LARGE1: variants seen among roughly 807,000 people sequenced by gnomAD.
The protein encoded by LARGE1 is xylosyl- and glucuronyltransferase LARGE1.
LARGE1 carries 43 observed loss-of-function variants against 87.6 expected under a neutral mutation model. The observed-to-expected ratio is 0.49, with a 90% confidence interval of 0.38 to 0.63. The LOEUF (loss-of-function observed/expected upper bound fraction) is 0.63, where lower values mean the gene tolerates loss of function less well. Ranked by LOEUF, LARGE1 falls within the 30% of genes least tolerant of loss-of-function variation. The pLI is 0.00. For missense variants in LARGE1, 802 were observed against 1,000.2 expected, an observed-to-expected ratio of 0.80 and a Z score of 2.67; for synonymous variants, 434 against 394.6, an observed-to-expected ratio of 1.10 and a Z score of -1.18.
At chr22:33,167,200 C>T (rs1922320789) in intron 11 of LARGE1, among the ~76,000 whole-genome samples, 1 of 152,144 alleles carries the variant, frequency 6.6e-6, no homozygotes, top group African/African-American at 2.4e-5. Flanking sequence ...CCACTTGAAA[C>T]TGAGGGGACC....
chr22:33,398,302 G>A lies in LARGE1; in HGVS notation c.893-13998C>T, dbSNP rs112106280. Among the ~76,000 whole-genome samples, 436 of 151,836 alleles carry A rather than the reference G, an allele frequency of 2.9e-3. 6 individuals are homozygous for A. The South Asian group carries it at 0.031, about 11-fold the overall frequency. The stretch of plus-strand genomic sequence containing the variant: ...CTTCAGGAAACTGAGGCTCAGAAAG[G>A]CTATGTGGCTGGTCAAAGCAAAACA... On this transcript the variant is annotated intron_variant, in intron 7 of 14. Transcript: ENST00000397394.
chr22:33,262,483 T>A (rs1927687606), intron 11 of LARGE1, among the ~76,000 whole-genome samples: 1 of 152,152 alleles, frequency 6.6e-6, no homozygotes, highest in Admixed American at 6.5e-5. Flanking sequence ...CCCAGACCAT[T>A]GCTCTTCCTG....
chr22:33,822,692 C>T (rs2062674668), intron 1 of LARGE1, among the ~76,000 whole-genome samples: 1 of 151,994 alleles, frequency 6.6e-6, no homozygotes, highest in African/African-American at 2.4e-5. Context: ...AATAAGGCTC[C>T]ATCTCAAAAA....
the LARGE1 span, among the ~76,000 whole-genome samples, chr22:33,083,081 T>A: frequency 6.6e-6 from 1 of 152,284 alleles, no homozygotes; most frequent in Non-Finnish European, 1.5e-5. Flanking sequence ...ACACTCTAAA[T>A]ATATCATTTC....
rs547259224 is a variant in LARGE1 at position 33,916,138 on chromosome 22, G to A, written c.-83+3857C>T. ...TCTACTAAAAATACAAAAATTAGCC[G>A]GGCGTGGGGGCGGGCGCCTGTAATC... On this transcript the variant is annotated intron_variant, in intron 1 of 14. Transcript: ENST00000397394. Among the ~76,000 whole-genome samples, 371 of 152,128 alleles carry A rather than the reference G, an allele frequency of 2.4e-3. 1 individual carries two copies. Among genetic ancestry groups the A allele is most frequent in the African/African-American group, 8.4e-3 (349 of 41,500 alleles).
At chr22:33,462,226 G>A (rs1243834741) in intron 6 of LARGE1, among the ~76,000 whole-genome samples, 1 of 152,110 alleles carries the variant, frequency 6.6e-6, no homozygotes, top group Non-Finnish European at 1.5e-5. Context: ...AAGCCTTAAG[G>A]GAGTGGAATA....
rs528160188 is a variant in LARGE1, at chr22:33,832,439, G to A, written c.-82-70881C>T. ...ACTGGAGGGCCCATGGGACAAACTC[G>A]AGCCTTAACACACTGTCAGTGTTAA... On this transcript the variant is annotated intron_variant, in intron 1 of 14. Coordinates refer to ENST00000397394, the MANE Select transcript of LARGE1 (RefSeq NM_133642.5). 4.6e-5 allele frequency among the ~76,000 whole-genome samples: 7 copies of A among 152,226 alleles called. No homozygotes were observed. In the East Asian group the frequency reaches 1.2e-3, roughly 25 times the overall value.
At chr22:33,104,720 T>G in the LARGE1 span, among the ~76,000 whole-genome samples, 9 of 152,336 alleles carry the variant, frequency 5.9e-5, no homozygotes. Flanking sequence ...CTGCAGGCAT[T>G]TGCAGAGACC....
chr22:33,725,996 A>C (rs1871461544), intron 2 of LARGE1: 1 of 152,098 alleles, frequency 6.6e-6, no homozygotes, highest in South Asian at 2.1e-4. Flanking sequence ...GCAAAATGTC[A>C]TACAGTTCAC....
intron 3 of LARGE1, among the ~76,000 whole-genome samples, chr22:33,637,700 A>C (rs1488390091): frequency 1.3e-5 from 2 of 152,224 alleles, no homozygotes; most frequent in Non-Finnish European, 2.9e-5. Context: ...TCATGTCAGT[A>C]AACTATATGG....
At chr22:33,149,245 T>C in the LARGE1 span, among the ~76,000 whole-genome samples, 2 of 151,958 alleles carry the variant, frequency 1.3e-5, no homozygotes, top group Non-Finnish European at 2.9e-5. Flanking sequence ...GGTTTCACTG[T>C]GTTAGCCAGG....
At position 33,282,880 on chromosome 22, in the gene LARGE1, C is replaced by G. The variant is rs563355904; in HGVS notation, c.1877+322G>C. Reference sequence around the variant, plus strand: ...AGAACTCGGAGCCAGGAGATGGCAGCAGGAACCTAAACTGAGTTTAGAAAA... The same window carrying G: ...AGAACTCGGAGCCAGGAGATGGCAGGAGGAACCTAAACTGAGTTTAGAAAA... On this transcript the variant is annotated intron_variant, in intron 13 of 14. Transcript: ENST00000397394. Among the ~76,000 whole-genome samples, 3 of 152,326 alleles carry G rather than the reference C, an allele frequency of 2.0e-5. No individual in the cohort carries two copies. In the East Asian group the frequency reaches 5.8e-4, roughly 29 times the overall value.
chr22:33,370,093 C>T (rs906626793), intron 9 of LARGE1, among the ~76,000 whole-genome samples: 2 of 152,102 alleles, frequency 1.3e-5, no homozygotes, highest in African/African-American at 4.8e-5. Flanking sequence ...ACTAAGGGGA[C>T]TGATAGCCTA....
chr22:33,902,821 A>G (rs2065321609), intron 1 of LARGE1, among the ~76,000 whole-genome samples: 1 of 152,194 alleles, frequency 6.6e-6, no homozygotes, highest in South Asian at 2.1e-4. Flanking sequence ...GACCGTATTT[A>G]GTGACGGGGT....
At chr22:33,613,722 T>G (rs2079505951) in intron 4 of LARGE1, among the ~76,000 whole-genome samples, 1 of 152,170 alleles carries the variant, frequency 6.6e-6, no homozygotes, top group Admixed American at 6.5e-5. Flanking sequence ...TCTTTAGAAT[T>G]TAAGCTCCTT....
rs554630548 is a variant in LARGE1 at position 33,263,614 on chromosome 22, T to C, written c.1730+40615A>G. On this transcript the variant is annotated intron_variant, in intron 11 of 11. Transcript: ENST00000608642. ...CAAGGCCCAGAGGAGAACCACAGCATGGCTGACACCTGCATTCAGCAGCCT... is the reference window on the plus strand; with the variant it reads ...CAAGGCCCAGAGGAGAACCACAGCACGGCTGACACCTGCATTCAGCAGCCT... 1.8e-4 allele frequency among the ~76,000 whole-genome samples: 28 copies of C among 152,364 alleles called. No individual in the cohort carries two copies. The South Asian group carries it at 4.6e-3, about 25-fold the overall frequency.
chr22:33,850,825 C>G (rs942256570), intron 1 of LARGE1, among the ~76,000 whole-genome samples: 1 of 152,088 alleles, frequency 6.6e-6, no homozygotes, highest in African/African-American at 2.4e-5. Flanking sequence ...GCTCCCCATT[C>G]TAATTCTATC....
chr22:33,631,054 C>T (rs932921962), intron 3 of LARGE1, among the ~76,000 whole-genome samples: 2 of 152,024 alleles, frequency 1.3e-5, no homozygotes, highest in Admixed American at 1.3e-4. Context: ...GGGGTTTCAC[C>T]GTGTTAGCCA....
At chr22:33,304,180 G>A in intron 12 of LARGE1, 49 bp downstream of exon 12, 1 of 1,604,878 alleles carries the variant, frequency 6.2e-7, no homozygotes, top group Non-Finnish European at 8.5e-7. Context: ...GGCACTGCAT[G>A]GCCCTATGTG....
Sources: allele counts gnomAD v4.1 joint callset (sites outside exome capture counted in the v4.1 genomes callset), GRCh38; gene constraint gnomAD v4.1.1; transcripts MANE v1.5; gene names NCBI Gene and HGNC (gene_info 2026-07-23, HGNC 2026-07-21).